Variants in PEPD observed in about 807,000 individuals in gnomAD.
PEPD encodes xaa-Pro dipeptidase.
A neutral mutation model predicts 60.7 loss-of-function variants in PEPD; 53 were observed. The observed-to-expected ratio is 0.87, with a 90% CI of 0.70 to 1.10. The LOEUF (loss-of-function observed/expected upper bound fraction) is 1.10. Among genes scored for constraint, PEPD ranks in the 50% least tolerant of loss-of-function variants. PEPD has a pLI of 0.00. For missense variants in PEPD, 711 were observed against 711.9 expected (o/e 1.00, Z 0.01); for synonymous variants, 267 against 284.1 (o/e 0.94, Z 0.60).
At chr19:33,464,668 G>C (rs1404412705) in intron 7 of PEPD, among the ~76,000 whole-genome samples, 1 of 152,188 alleles carries the variant, frequency 6.6e-6, no homozygotes. Flanking sequence ...CAGATGAGAG[G>C]GTGGTCTACG....
chr19:33,436,468 G>A (rs1288581228), intron 9 of PEPD, among the ~76,000 whole-genome samples: 1 of 152,178 alleles, frequency 6.6e-6, no homozygotes, highest in Non-Finnish European at 1.5e-5. Flanking sequence ...TGGGCTGCAA[G>A]GCTGCATGGC....
rs372988101 is a variant in PEPD at position 33,413,660 on chromosome 19, G to A, written c.672-17C>T. 414 of 1,545,760 alleles carry A rather than the reference G, an allele frequency of 2.7e-4. 4 individuals are homozygous for A. The highest frequency in any genetic ancestry group is 1.8e-3 in the South Asian group (151 of 85,108). On this transcript the variant is annotated splice_polypyrimidine_tract_variant and intron_variant, in intron 9 of 14. Transcript: ENST00000244137. Reference sequence around the variant, plus strand: ...TCGAAGAGGCTGCAGGGGGAGAGACGCGTCAGGGTTGGGGCACTAGAGCAG... The same window carrying A: ...TCGAAGAGGCTGCAGGGGGAGAGACACGTCAGGGTTGGGGCACTAGAGCAG...
At chr19:33,483,454 T>C (rs1970345614) in intron 6 of PEPD, among the ~76,000 whole-genome samples, 1 of 152,148 alleles carries the variant, frequency 6.6e-6, no homozygotes, top group African/African-American at 2.4e-5. Flanking sequence ...CAAGGTAGCC[T>C]AGCACAAGCT....
At chr19:33,515,568 C>T (rs536018295) in intron 1 of PEPD, among the ~76,000 whole-genome samples, 1 of 152,144 alleles carries the variant, frequency 6.6e-6, no homozygotes, top group East Asian at 1.9e-4. Context: ...TGGCCTCCCA[C>T]GCCCTTTCCC....
Position 33,388,031 on chromosome 19 carries a change from C to A in PEPD, c.1203G>T (p.Arg401=). The A allele has an allele frequency of 6.4e-7, 1 of 1,563,836 alleles. No homozygotes were observed. The highest frequency in any genetic ancestry group is 8.7e-7 in the Non-Finnish European group (1 of 1,154,534). ...TGAGCACCATGCCTGGCTGCAGGTG[C>A]CGTGCAGTGCGCAGGCTCCGCAGGC... ...EPGLRSLRTA[R]HLQPGMVLTV... Residue 401 remains arginine, a synonymous_variant, in exon 14 of 15, where the codon CGG becomes CGT. Coordinates refer to ENST00000244137, the MANE Select transcript of PEPD (RefSeq NM_000285.4).
At chr19:33,508,659 G>C (rs1317888971) in intron 3 of PEPD, among the ~76,000 whole-genome samples, 1 of 152,172 alleles carries the variant, frequency 6.6e-6, no homozygotes, top group African/African-American at 2.4e-5. Flanking sequence ...GTGGCGGCTG[G>C]GTTCCCAGGG....
intron 7 of PEPD, among the ~76,000 whole-genome samples, chr19:33,472,342 G>T (rs147202549): frequency 1.9e-3 from 289 of 152,186 alleles, no homozygotes; most frequent in African/African-American, 6.6e-3. Flanking sequence ...AAGAGAACTT[G>T]GGGCAGAAGT....
intron 3 of PEPD, among the ~76,000 whole-genome samples, chr19:33,510,716 C>T (rs754314552): frequency 2.9e-4 from 44 of 152,160 alleles, no homozygotes; most frequent in Admixed American, 2.4e-3. Context: ...CAAAGGTTGC[C>T]GGCCTGGCTC....
At chr19:33,393,181 G>T (rs1236846628) in intron 12 of PEPD, among the ~76,000 whole-genome samples, 1 of 151,572 alleles carries the variant, frequency 6.6e-6, no homozygotes, top group African/African-American at 2.4e-5. Flanking sequence ...GGGGTCTGGC[G>T]TGGGGGAGGC....
chr19:33,400,785 C>T (rs1466048759), intron 12 of PEPD, among the ~76,000 whole-genome samples: 2 of 152,326 alleles, frequency 1.3e-5, no homozygotes, highest in African/African-American at 4.8e-5. Flanking sequence ...CCAGGACCTC[C>T]CATCACTGCT....
intron 12 of PEPD, among the ~76,000 whole-genome samples, chr19:33,399,897 T>C (rs1475814682): frequency 6.6e-6 from 1 of 152,100 alleles, no homozygotes. Flanking sequence ...CGCTCTGAAG[T>C]GGACTCTGCC....
intron 9 of PEPD, among the ~76,000 whole-genome samples, chr19:33,417,577 C>T (rs1051569368): frequency 2.0e-5 from 3 of 152,126 alleles, no homozygotes; most frequent in South Asian, 2.1e-4. Flanking sequence ...GGGATGATAG[C>T]GGTGCCTCCC....
At position 33,519,848 on chromosome 19, in the gene PEPD, C is replaced by G. The variant is rs576530163; in HGVS notation, c.17+1896G>C. On this transcript the variant is annotated intron_variant, in intron 1 of 14. Transcript: ENST00000244137. Reference sequence around the variant, plus strand: ...TGGGAGGCGGAGGCGGGTGGATCACCTGAGGTCAGGAGTTCGAGACCAGTC... The same window carrying G: ...TGGGAGGCGGAGGCGGGTGGATCACGTGAGGTCAGGAGTTCGAGACCAGTC... 3.3e-5 allele frequency among the ~76,000 whole-genome samples: 5 copies of G among 152,138 alleles called. No individual in the cohort carries two copies. The South Asian group carries it at 1.0e-3, about 32-fold the overall frequency.
At chr19:33,441,599 T>G (rs1969481436) in intron 9 of PEPD, among the ~76,000 whole-genome samples, 1 of 152,104 alleles carries the variant, frequency 6.6e-6, no homozygotes, top group South Asian at 2.1e-4. Flanking sequence ...TTCCCTTCAC[T>G]CAGGAGCATT....
intron 13 of PEPD, among the ~76,000 whole-genome samples, chr19:33,389,377 G>A (rs1468415750): frequency 4.6e-5 from 7 of 152,230 alleles, no homozygotes; most frequent in Admixed American, 3.3e-4. Context: ...GTCCCTCTGC[G>A]CAGGTGAGAG....
Position 33,501,000 on chromosome 19 carries a change from T to A in PEPD, c.331A>T (p.Ile111Phe), listed in dbSNP as rs755350900. Residue 111 changes from isoleucine to phenylalanine, a missense_variant and splice_region_variant, in exon 4 of 15, where the codon ATC (isoleucine) becomes TTC (phenylalanine). Coordinates refer to ENST00000244137, the MANE Select transcript of PEPD (RefSeq NM_000285.4). ...TCCTTGAAGTGCTCCTTGGAATGGA[T>A]CCTCAAAGAAAAGCACAAGGAATAT... Reference protein sequence around the residue: ...PASHATWMGKIHSKEHFKEKY... With the variant: ...PASHATWMGKFHSKEHFKEKY... The A allele has an allele frequency of 5.0e-6, 8 of 1,587,530 alleles. No homozygotes were observed. The highest frequency in any genetic ancestry group is 6.1e-6 in the Non-Finnish European group (7 of 1,156,036).
At chr19:33,419,743 T>G (rs1055576590) in intron 9 of PEPD, among the ~76,000 whole-genome samples, 1 of 152,214 alleles carries the variant, frequency 6.6e-6, no homozygotes, top group African/African-American at 2.4e-5. Flanking sequence ...GCCCTGACCT[T>G]GCACCCATGC....
chr19:33,394,477 G>A (rs756154036), intron 12 of PEPD, among the ~76,000 whole-genome samples: 11 of 152,226 alleles, frequency 7.2e-5, no homozygotes, highest in Admixed American at 1.3e-4. Context: ...TCTCTTGGCC[G>A]GGAGCAGGGA....
intron 11 of PEPD, among the ~76,000 whole-genome samples, chr19:33,404,971 A>C (rs938547272): frequency 6.6e-6 from 1 of 152,182 alleles, no homozygotes; most frequent in Non-Finnish European, 1.5e-5. Flanking sequence ...CCGACAATGG[A>C]GAATTCGGTC....
Sources: gnomAD v4.1 joint callset for allele counts (sites outside exome capture counted in the v4.1 genomes callset) on GRCh38, gnomAD v4.1.1 for gene constraint, MANE v1.5 for transcripts, NCBI Gene and HGNC (gene_info 2026-07-23, HGNC 2026-07-21) for gene names.